Variants in GPC3 observed in about 807,000 individuals in gnomAD.
GPC3 encodes glypican-3.
GPC3 carries 3 observed loss-of-function variants against 34.4 expected under a neutral mutation model. The observed-to-expected ratio is 0.09, with a 90% CI of 0.04 to 0.23. GPC3 has a LOEUF of 0.23. GPC3 is among the 10% of genes least tolerant of loss of function. The pLI, the probability that GPC3 is intolerant of heterozygous loss-of-function variation, is 1.00. For synonymous variants in GPC3, 177 were observed against 174.0 expected (o/e 1.02, Z -0.13); for missense variants, 351 against 445.6 (o/e 0.79, Z 1.91).
chrX:133,690,506 T>C (rs2071050837), intron 5 of GPC3, among the ~76,000 whole-genome samples: 1 of 111,290 alleles, frequency 9.0e-6, no homozygotes, highest in Non-Finnish European at 1.9e-5. Context: ...CTCCAAAGCC[T>C]TCCTCTTTGC....
At chrX:133,631,474 CCA>C (rs1396057414) in intron 6 of GPC3, among the ~76,000 whole-genome samples, 24 of 111,659 alleles carry the variant, frequency 2.1e-4, no homozygotes, top group Admixed American at 6.7e-4. Context: ...TATGTATATA[CCA>C]AATTTTTTCT....
chrX:133,549,742 A>C (rs1472066356), intron 7 of GPC3, among the ~76,000 whole-genome samples: 12 of 48,056 alleles, frequency 2.5e-4, no homozygotes, highest in African/African-American at 3.3e-4. Flanking sequence ...TCTCTTTACC[A>C]TCCTCCCTCT....
chrX:133,760,254 C>T (rs2071774027), intron 2 of GPC3, among the ~76,000 whole-genome samples: 1 of 112,021 alleles, frequency 8.9e-6, no homozygotes, highest in African/African-American at 3.2e-5. Flanking sequence ...AGTAAACATA[C>T]TCTTACCATG....
At chrX:133,977,058 C>A (rs2124650184) in intron 1 of GPC3, among the ~76,000 whole-genome samples, 1 of 111,991 alleles carries the variant, frequency 8.9e-6, no homozygotes, top group Non-Finnish European at 1.9e-5. Flanking sequence ...TTAGTTTAGA[C>A]AATGATACAT....
intron 3 of GPC3, among the ~76,000 whole-genome samples, chrX:133,746,312 C>T (rs1357358942): frequency 4.5e-5 from 5 of 112,271 alleles, no homozygotes; most frequent in African/African-American, 1.6e-4. Context: ...AAATTTCTCT[C>T]TAAAAATTCA....
chrX:133,961,485 T>A (rs906802242), intron 1 of GPC3, among the ~76,000 whole-genome samples: 6 of 111,870 alleles, frequency 5.4e-5, no homozygotes, highest in African/African-American at 2.0e-4. Context: ...CATAAAGAGG[T>A]TCTTCCTGGA....
intron 2 of GPC3, among the ~76,000 whole-genome samples, chrX:133,902,742 G>C (rs1465245299): frequency 9.0e-6 from 1 of 111,355 alleles, no homozygotes; most frequent in African/African-American, 3.3e-5. Context: ...AAGAAAAAAA[G>C]AAATTTTAGG....
At chrX:133,949,317 A>G in intron 2 of GPC3, among the ~76,000 whole-genome samples, 1 of 112,223 alleles carries the variant, frequency 8.9e-6, no homozygotes. Flanking sequence ...CTAACGTAAT[A>G]CAGGAGCCAC....
At chrX:133,623,130 A>G (rs933764308) in intron 6 of GPC3, among the ~76,000 whole-genome samples, 2 of 112,060 alleles carry the variant, frequency 1.8e-5, no homozygotes, top group Non-Finnish European at 3.8e-5. Context: ...TGTCACCACC[A>G]GGCCTGCCTT....
intron 7 of GPC3, among the ~76,000 whole-genome samples, chrX:133,590,189 T>A (rs2069834072): frequency 9.0e-6 from 1 of 111,589 alleles, no homozygotes; most frequent in African/African-American, 3.3e-5. Context: ...AACATGAGGA[T>A]GCAGGAAGAA....
intron 2 of GPC3, among the ~76,000 whole-genome samples, chrX:133,923,971 C>T (rs545056532): frequency 9.0e-6 from 1 of 111,611 alleles, no homozygotes; most frequent in African/African-American, 3.2e-5. Flanking sequence ...TCCTATAAAT[C>T]GCCCAGGAAC....
At chrX:133,778,508 A>T (rs1166438990) in intron 2 of GPC3, among the ~76,000 whole-genome samples, 4 of 112,434 alleles carry the variant, frequency 3.6e-5, no homozygotes, top group Non-Finnish European at 7.5e-5. Flanking sequence ...GAATTGAAAC[A>T]GCAATGTGAT....
intron 3 of GPC3, among the ~76,000 whole-genome samples, chrX:133,729,525 C>T (rs762909944): frequency 1.9e-4 from 21 of 112,042 alleles, no homozygotes; most frequent in Non-Finnish European, 3.2e-4. Context: ...CTGTGACTCT[C>T]ACTAGACTAT....
At chrX:133,790,149 G>A (rs1449460775) in intron 2 of GPC3, among the ~76,000 whole-genome samples, 1 of 111,778 alleles carries the variant, frequency 8.9e-6, no homozygotes, top group African/African-American at 3.3e-5. Context: ...AAAAAGACAG[G>A]CTGGCTGATT....
At chrX:133,982,132 T>TAG (rs1030013508) in intron 1 of GPC3, among the ~76,000 whole-genome samples, 4 of 112,642 alleles carry the variant, frequency 3.6e-5, no homozygotes, top group African/African-American at 1.3e-4. Context: ...GTCTGATTAC[T>TAG]AGCTCACTTT....
intron 1 of GPC3, among the ~76,000 whole-genome samples, chrX:133,983,159 G>T (rs958124860): frequency 8.9e-6 from 1 of 112,065 alleles, no homozygotes; most frequent in South Asian, 3.7e-4. Flanking sequence ...GTTTGGCTTG[G>T]CTCCAGTGCA....
intron 7 of GPC3, among the ~76,000 whole-genome samples, chrX:133,591,057 A>G (rs988310149): frequency 2.7e-5 from 3 of 112,130 alleles, no homozygotes; most frequent in Admixed American, 1.9e-4. Flanking sequence ...CACTTCATTC[A>G]GTGCCTCAAA....
intron 2 of GPC3, among the ~76,000 whole-genome samples, chrX:133,948,054 T>A (rs959149701): frequency 9.0e-6 from 1 of 110,806 alleles, no homozygotes; most frequent in African/African-American, 3.3e-5. Flanking sequence ...GTCAGGCTAG[T>A]CAGGGGGAAA....
intron 2 of GPC3, among the ~76,000 whole-genome samples, chrX:133,864,321 A>G (rs142566126): frequency 0.019 from 2,116 of 111,930 alleles, 24 homozygotes; most frequent in Middle Eastern, 0.028. Context: ...TCCTGATCCC[A>G]TTTCACAGGG....
Sources: allele counts gnomAD v4.1 joint callset (sites outside exome capture counted in the v4.1 genomes callset), GRCh38; gene constraint gnomAD v4.1.1; transcripts MANE v1.5; gene names NCBI Gene and HGNC (gene_info 2026-07-23, HGNC 2026-07-21).